HMGXB3: variants seen among roughly 807,000 people sequenced by gnomAD.
HMGXB3 encodes the protein HMG-box containing 3, also known as HMG domain-containing protein 3.
HMGXB3 carries 45 observed loss-of-function variants against 121.5 expected under a neutral mutation model. That is an observed-to-expected ratio of 0.37 (90% CI 0.29 to 0.47). The LOEUF is 0.47. Among genes scored for constraint, HMGXB3 ranks in the 20% least tolerant of loss-of-function variants. The probability of loss-of-function intolerance (pLI) is 0.99; values close to 1 mark genes in which losing one functional copy is unlikely to be tolerated. For missense variants in HMGXB3, 1,376 were observed against 1,602.2 expected, an observed-to-expected ratio of 0.86 and a Z score of 2.41; for synonymous variants, 590 against 624.1, an observed-to-expected ratio of 0.95 and a Z score of 0.81.
In HMGXB3 at chr5:150,041,988, C is replaced by T. The variant is rs1277860617; in HGVS notation, c.2730+19C>T. The T allele has an allele frequency of 6.5e-7, 1 of 1,541,148 alleles. No homozygotes were observed. Among genetic ancestry groups the T allele is most frequent in the Non-Finnish European group, 8.8e-7 (1 of 1,138,772 alleles). On this transcript the variant is annotated intron_variant, in intron 15 of 19. Transcript: ENST00000502717. ...CGTGGAGGTAAGTGCCTCTTAGCCA[C>T]CGTGAGGGACCTGCGGAATTTTCTC...
intron 19 of HMGXB3, among the ~76,000 whole-genome samples, chr5:150,050,871 A>C (rs1334185948): frequency 6.6e-6 from 1 of 152,214 alleles, no homozygotes; most frequent in Admixed American, 6.5e-5. Context: ...TTGTGTTAAA[A>C]GAGGTTGCCT....
chr5:150,027,626 C>G (rs1756264693), intron 9 of HMGXB3, among the ~76,000 whole-genome samples: 1 of 152,034 alleles, frequency 6.6e-6, no homozygotes, highest in African/African-American at 2.4e-5. Flanking sequence ...TCTTGGCTCA[C>G]TGCAACCTCC....
chr5:150,023,380 T>C (rs538702138), intron 6 of HMGXB3, among the ~76,000 whole-genome samples: 11 of 152,276 alleles, frequency 7.2e-5, no homozygotes, highest in Admixed American at 5.2e-4. Context: ...GAGGATTCAA[T>C]TGAAGCTTGC....
rs1417180394 is a variant in HMGXB3 at position 150,036,909 on chromosome 5, A to G, written c.2257A>G (p.Ser753Gly). The change falls in exon 12 of 20, where the codon AGC (serine) becomes GGC (glycine). Residue 753 changes from serine to glycine, a missense_variant. This residue lies in a region of HMGXB3 where 1,116 missense variants were observed against 1,369.0 expected (regional missense o/e 0.82). Coordinates refer to ENST00000502717, the MANE Select transcript of HMGXB3 (RefSeq NM_014983.3). ...ESPSTQCLLC[S>G]SPLFKGGQNS... ...TCCGTCCACGCAGTGCCTTCTCTGT[A>G]GCAGCCCATTATTCAAAGGGGGACA... is the stretch of plus-strand genomic sequence containing the variant. 4 of 1,551,592 alleles carry G rather than the reference A, an allele frequency of 2.6e-6. No homozygotes were observed. The South Asian group carries it at 4.8e-5, about 18-fold the overall frequency.
rs1756403237 is a variant in HMGXB3 at position 150,032,483 on chromosome 5, G to A, written c.1863G>A (p.Arg621=). Residue 621 remains arginine, a synonymous_variant, in exon 11 of 20, where the codon CGG becomes CGA. Coordinates refer to ENST00000502717, the MANE Select transcript of HMGXB3 (RefSeq NM_014983.3). The part of the protein sequence containing the change: ...LDLGLATSRG[R]GKCKNPSCSY... ...TGGGCCTGGCTACATCAAGAGGCCGGGGAAAGTGCAAGAATCCCTCTTGTA... is the reference window on the plus strand; with the variant it reads ...TGGGCCTGGCTACATCAAGAGGCCGAGGAAAGTGCAAGAATCCCTCTTGTA... 2 of 1,551,712 alleles carry A rather than the reference G, an allele frequency of 1.3e-6. No homozygotes were observed. Among genetic ancestry groups the A allele is most frequent in the South Asian group, 1.2e-5 (1 of 84,042 alleles).
At chr5:150,009,270 A>C (rs756229439) in intron 3 of HMGXB3, among the ~76,000 whole-genome samples, 8 of 152,170 alleles carry the variant, frequency 5.3e-5, no homozygotes, top group Non-Finnish European at 1.0e-4. Context: ...GTGTTTAGGG[A>C]AAGTTTACCT....
At chr5:150,037,608 T>G in intron 13 of HMGXB3, 81 bp downstream of exon 13, 1 of 1,248,642 alleles carries the variant, frequency 8.0e-7, no homozygotes, top group Non-Finnish European at 1.0e-6. Context: ...CTCTGGCCCT[T>G]TGAGGACTGG....
chr5:150,032,804 G>A (rs1289025017), intron 11 of HMGXB3, among the ~76,000 whole-genome samples: 1 of 152,174 alleles, frequency 6.6e-6, no homozygotes, highest in Non-Finnish European at 1.5e-5. Flanking sequence ...TGAAGGGGTT[G>A]ACTAGGTATC....
intron 6 of HMGXB3, among the ~76,000 whole-genome samples, chr5:150,022,905 G>T (rs1327495381): frequency 1.3e-5 from 2 of 151,068 alleles, no homozygotes; most frequent in African/African-American, 4.9e-5. Context: ...CAGCCTCCTG[G>T]GGTCAAGTGA....
rs769161904 is a variant in HMGXB3 at position 150,052,177 on chromosome 5, C to T, written c.3864C>T (p.Ala1288=). The part of the protein sequence containing the change: ...TEEEGEEEEV[A]AVAE Reference sequence around the variant, plus strand: ...AGGAGGGTGAGGAAGAGGAGGTGGCCGCAGTGGCAGAATAAGCCAGGCTGT... The same window carrying T: ...AGGAGGGTGAGGAAGAGGAGGTGGCTGCAGTGGCAGAATAAGCCAGGCTGT... The change falls in exon 20 of 20, where the codon GCC becomes GCT. Residue 1288 remains alanine (A), a synonymous_variant. Transcript: ENST00000502717. The T allele has an allele frequency of 2.5e-5, 38 of 1,544,734 alleles. No homozygotes were observed. The East Asian group carries it at 2.7e-4, about 11-fold the overall frequency.
chr5:150,005,878 A>G (rs917675951), intron 2 of HMGXB3, among the ~76,000 whole-genome samples: 1 of 152,166 alleles, frequency 6.6e-6, no homozygotes, highest in Non-Finnish European at 1.5e-5. Flanking sequence ...TTTCCCTGAG[A>G]GTGGAATGAC....
intron 14 of HMGXB3, 22 bp downstream of exon 14, chr5:150,040,901 T>TG (rs1561881785): frequency 3.2e-6 from 5 of 1,538,888 alleles, no homozygotes; most frequent in Non-Finnish European, 1.8e-6. Context: ...TTTCTTCCCT[T>TG]TCCCAAGGTT....
chr5:150,008,472 TATATA>T (rs1755759468), intron 3 of HMGXB3, among the ~76,000 whole-genome samples: 1 of 152,248 alleles, frequency 6.6e-6, no homozygotes, highest in Middle Eastern at 3.2e-3. Context: ...ATTCATTGAC[TATATA>T]ATAAGGAAAA....
intron 13 of HMGXB3, 51 bp downstream of exon 13, chr5:150,037,578 A>G: frequency 6.9e-7 from 1 of 1,441,138 alleles, no homozygotes; most frequent in East Asian, 2.7e-5. Context: ...AGGCTTGGGA[A>G]CTGCCTCTAT....
rs1212225792 is a variant in HMGXB3 at position 150,040,851 on chromosome 5, T to C, written c.2517T>C (p.Val839=). The C allele has an allele frequency of 6.4e-7, 1 of 1,551,004 alleles. No individual in the cohort carries two copies. The highest frequency in any genetic ancestry group is 2.4e-5 in the East Asian group (1 of 40,866). ...AGGACCCCAGAGTGTCCATCAATGT[T>C]GTTCTGAAGTCGGTGCAGGAGCAGA... ...LGEDPRVSIN[V]VLKSVQEQTE... is the part of the protein sequence containing the mutation. The change falls in exon 14 of 20, where the codon GTT becomes GTC. Residue 839 remains valine, a synonymous_variant. Coordinates refer to ENST00000502717, the MANE Select transcript of HMGXB3 (RefSeq NM_014983.3).
Position 150,000,897 on chromosome 5 carries a change from T to G in HMGXB3, c.-285T>G, listed in dbSNP as rs1016176075. 11 of 154,748 alleles carry G rather than the reference T, an allele frequency of 7.1e-5. No homozygotes were observed. The highest frequency in any genetic ancestry group is 2.6e-4 in the African/African-American group (11 of 41,510). 9.6% of individuals were successfully genotyped at this position (154,748 alleles called of 1,614,324 possible). A position where few individuals can be genotyped will look rare whatever the true frequency, so the allele number is the denominator to read the frequency against. ...GCGGAGCGAACCTGTGCTCCTATTC[T>G]TGCCCTTCAGGACCCCATATCGCGA... On this transcript the variant is annotated 5_prime_UTR_variant, in exon 1 of 20. Coordinates refer to ENST00000502717, the MANE Select transcript of HMGXB3 (RefSeq NM_014983.3).
At chr5:150,027,372 C>T (rs1756257046) in intron 9 of HMGXB3, among the ~76,000 whole-genome samples, 1 of 152,154 alleles carries the variant, frequency 6.6e-6, no homozygotes. Flanking sequence ...ACAGAGAACA[C>T]CCATATACTC....
intron 5 of HMGXB3, among the ~76,000 whole-genome samples, chr5:150,013,141 A>G (rs1581248887): frequency 6.6e-6 from 1 of 152,336 alleles, no homozygotes; most frequent in East Asian, 1.9e-4. Flanking sequence ...AAGTGGTAAG[A>G]GCAGACATCT....
At chr5:150,047,057 T>A (rs1466312811) in intron 16 of HMGXB3, among the ~76,000 whole-genome samples, 1 of 151,826 alleles carries the variant, frequency 6.6e-6, no homozygotes, top group Non-Finnish European at 1.5e-5. Context: ...CACACCTGGC[T>A]AATTTTTTGT....
Sources: allele counts gnomAD v4.1 joint callset (sites outside exome capture counted in the v4.1 genomes callset), GRCh38; gene constraint gnomAD v4.1.1; regional missense constraint gnomAD v4.1.1; transcripts MANE v1.5; gene names NCBI Gene and HGNC (gene_info 2026-07-23, HGNC 2026-07-21).